The following NRXN1 variants were observed in gnomAD, a reference collection of about 807,000 sequenced individuals.
NRXN1 encodes neurexin 1.
In NRXN1, 39 loss-of-function variants were observed where a neutral mutation model predicts 150.9. The observed-to-expected ratio is 0.26, with a 90% CI of 0.20 to 0.34. The LOEUF (loss-of-function observed/expected upper bound fraction) is 0.34. Ranked by LOEUF, NRXN1 falls within the 10% of genes least tolerant of loss-of-function variation. The pLI is 1.00. For synonymous variants in NRXN1, 924 were observed against 757.0 expected, an observed-to-expected ratio of 1.22 and a Z score of -3.62; for missense variants, 1,815 against 1,949.9, an observed-to-expected ratio of 0.93 and a Z score of 1.30.
intron 21 of NRXN1, among the ~76,000 whole-genome samples, chr2:50,024,940 C>A (rs570712388): frequency 6.6e-6 from 1 of 152,230 alleles, no homozygotes; most frequent in Admixed American, 6.5e-5. Flanking sequence ...TTAGGTTACT[C>A]ACCTATAAAG....
At chr2:51,030,444 T>C (rs1319461664) in intron 1 of NRXN1, among the ~76,000 whole-genome samples, 2 of 151,728 alleles carry the variant, frequency 1.3e-5, no homozygotes, top group Non-Finnish European at 2.9e-5. Context: ...TACAGAGCAA[T>C]CCCCACAGGT....
intron 18 of NRXN1, among the ~76,000 whole-genome samples, chr2:50,134,810 T>C (rs965489254): frequency 3.3e-5 from 5 of 152,164 alleles, no homozygotes; most frequent in African/African-American, 9.7e-5. Context: ...GATACCATCA[T>C]TGATGAAATT....
intron 2 of NRXN1, among the ~76,000 whole-genome samples, chr2:50,979,471 T>G (rs538703804): frequency 2.6e-4 from 40 of 152,172 alleles, no homozygotes; most frequent in Middle Eastern, 3.4e-3. Flanking sequence ...CATATAAGAG[T>G]AATAATTATT....
chr2:50,316,940 T>C (rs1041753328), intron 17 of NRXN1, among the ~76,000 whole-genome samples: 2 of 151,980 alleles, frequency 1.3e-5, no homozygotes, highest in African/African-American at 4.8e-5. Flanking sequence ...ACCTCAATTA[T>C]CAATTTTCCT....
intron 5 of NRXN1, among the ~76,000 whole-genome samples, chr2:50,830,022 A>AAAAAAAAAAAAAAAAAAAAAC (rs1671189295): frequency 8.1e-6 from 1 of 123,902 alleles, no homozygotes; most frequent in Non-Finnish European, 1.9e-5. Context: ...AAAAAAAAAA[A>AAAAAAAAAAAAAAAAAAAAAC]AAAAAAAAGC....
chr2:50,025,843 T>C (rs1688197665), intron 21 of NRXN1, among the ~76,000 whole-genome samples: 1 of 152,192 alleles, frequency 6.6e-6, no homozygotes, highest in South Asian at 2.1e-4. Context: ...AGATCACAAG[T>C]GTGCCCTGCA....
At chr2:50,130,433 C>T (rs1488753328) in intron 18 of NRXN1, among the ~76,000 whole-genome samples, 4 of 152,130 alleles carry the variant, frequency 2.6e-5, no homozygotes, top group African/African-American at 7.2e-5. Context: ...ATGGCTGCTT[C>T]CCAGAGCTCA....
intron 5 of NRXN1, among the ~76,000 whole-genome samples, chr2:50,822,629 G>A (rs72837094): frequency 6.6e-6 from 1 of 151,990 alleles, no homozygotes; most frequent in South Asian, 2.1e-4. Context: ...TGTGAATGCT[G>A]AGAAAAAGAG....
intron 17 of NRXN1, among the ~76,000 whole-genome samples, chr2:50,461,059 T>C (rs1251636491): frequency 6.6e-6 from 1 of 152,040 alleles, no homozygotes; most frequent in Non-Finnish European, 1.5e-5. Flanking sequence ...AGTTCATATA[T>C]TGATGCTCAG....
chr2:50,881,900 T>C (rs1206904596), intron 5 of NRXN1, among the ~76,000 whole-genome samples: 1 of 151,794 alleles, frequency 6.6e-6, no homozygotes, highest in Non-Finnish European at 1.5e-5. Flanking sequence ...CATACTGTTT[T>C]TTTAAAAAAA....
At chr2:50,180,102 G>C (rs1389623440) in intron 18 of NRXN1, among the ~76,000 whole-genome samples, 4 of 151,992 alleles carry the variant, frequency 2.6e-5, no homozygotes, top group African/African-American at 7.2e-5. Context: ...CCTCACTGTA[G>C]CCTTGAACTC....
chr2:50,528,745 C>T, intron 11 of NRXN1, 94 bp from the exon 12 acceptor site: 1 of 714,376 alleles, frequency 1.4e-6, no homozygotes, highest in Non-Finnish European at 2.4e-6. Context: ...CTTCCGGGGA[C>T]AGACACATGC....
chr2:50,587,684 T>G (rs1673397666), intron 8 of NRXN1, among the ~76,000 whole-genome samples: 1 of 152,110 alleles, frequency 6.6e-6, no homozygotes, highest in African/African-American at 2.4e-5. Flanking sequence ...ATGAATAATA[T>G]TTAGGATGAG....
chr2:50,828,558 G>A (rs1489521449), intron 5 of NRXN1, among the ~76,000 whole-genome samples: 1 of 151,400 alleles, frequency 6.6e-6, no homozygotes, highest in Non-Finnish European at 1.5e-5. Context: ...ACGGGGTCGC[G>A]GCCGGGCAGA....
intron 17 of NRXN1, among the ~76,000 whole-genome samples, chr2:50,384,531 A>AAT (rs1307706852): frequency 5.5e-5 from 8 of 146,062 alleles, no homozygotes; most frequent in Non-Finnish European, 1.2e-4. Flanking sequence ...AAAAAAAAAA[A>AAT]AAAATGCATC....
intron 5 of NRXN1, among the ~76,000 whole-genome samples, chr2:50,849,173 T>A (rs951489552): frequency 3.3e-5 from 5 of 152,188 alleles, no homozygotes; most frequent in African/African-American, 1.2e-4. Flanking sequence ...ACTCGGAATT[T>A]AATTTTATAA....
At chr2:50,577,569 G>C (rs371332260) in intron 8 of NRXN1, among the ~76,000 whole-genome samples, 2 of 151,886 alleles carry the variant, frequency 1.3e-5, no homozygotes, top group South Asian at 2.1e-4. Flanking sequence ...TTCAACCTGC[G>C]GCCAAGGTTA....
chr2:50,629,236 G>T (rs1160175999), intron 5 of NRXN1, among the ~76,000 whole-genome samples: 1 of 151,586 alleles, frequency 6.6e-6, no homozygotes, highest in Non-Finnish European at 1.5e-5. Context: ...ACCAATAATA[G>T]AATGGATAAA....
chr2:50,653,185 T>C (rs1238771121), intron 5 of NRXN1, among the ~76,000 whole-genome samples: 1 of 152,052 alleles, frequency 6.6e-6, no homozygotes, highest in Non-Finnish European at 1.5e-5. Flanking sequence ...AGAAAAACTT[T>C]AGACAAACCA....
Sources: gnomAD v4.1 joint callset for allele counts (sites outside exome capture counted in the v4.1 genomes callset) on GRCh38, gnomAD v4.1.1 for gene constraint, MANE v1.5 for transcripts, NCBI Gene and HGNC (gene_info 2026-07-23, HGNC 2026-07-21) for gene names.